Variants in DNAJC15 observed in about 807,000 individuals in gnomAD.
DNAJC15 encodes dnaJ homolog subfamily C member 15.
Under a neutral mutation model 22.4 loss-of-function variants are expected in DNAJC15, and 27 were observed. That is an observed-to-expected ratio of 1.20 (90% CI 0.89 to 1.66). The LOEUF (loss-of-function observed/expected upper bound fraction) is 1.66, where lower values mean the gene tolerates loss of function less well. DNAJC15 is among the 40% of genes most tolerant of loss of function. The probability of loss-of-function intolerance (pLI) is 0.00; values close to 1 mark genes in which losing one functional copy is unlikely to be tolerated. For missense variants in DNAJC15, 208 were observed against 187.1 expected (o/e 1.11, Z -0.65); for synonymous variants, 79 against 63.2 (o/e 1.25, Z -1.19).
chr13:43,111,520 A>G lies in DNAJC15; in HGVS notation c.*4272A>G, dbSNP rs2040824609. 6.6e-6 allele frequency: 1 copy of G among 152,228 alleles called. No individual in the cohort carries two copies. The highest frequency in any genetic ancestry group is 1.5e-5 in the Non-Finnish European group (1 of 68,034). The allele number at this position is 152,228 out of a possible 1,614,324, so 9.4% of individuals were successfully genotyped here. A position where few individuals can be genotyped will look rare whatever the true frequency, so the allele number is the denominator to read the frequency against. ...GAGCTTTTATTGATAAGGTAATTGA[A>G]CACACTTGACAATTAGCTTAATATG... On this transcript the variant is annotated 3_prime_UTR_variant, in exon 6 of 6. Coordinates refer to ENST00000379221, the MANE Select transcript of DNAJC15 (RefSeq NM_013238.3).
At chr13:43,031,752 A>T (rs1046451382) in intron 1 of DNAJC15, among the ~76,000 whole-genome samples, 1 of 152,254 alleles carries the variant, frequency 6.6e-6, no homozygotes, top group Non-Finnish European at 1.5e-5. Context: ...CACACATTTG[A>T]GAAGTAGATG....
intron 1 of DNAJC15, among the ~76,000 whole-genome samples, chr13:43,026,924 CTT>C (rs2040383261): frequency 6.6e-6 from 1 of 152,138 alleles, no homozygotes; most frequent in East Asian, 1.9e-4. Context: ...TGTTAAATAA[CTT>C]TTTCTTAGGT....
chr13:43,046,920 T>C (rs887159748), intron 1 of DNAJC15, among the ~76,000 whole-genome samples: 7 of 152,230 alleles, frequency 4.6e-5, no homozygotes, highest in African/African-American at 1.7e-4. Context: ...CCTTTGTTAC[T>C]GCACGGCTAA....
chr13:43,083,574 A>G (rs2040673777), intron 4 of DNAJC15, among the ~76,000 whole-genome samples: 1 of 152,250 alleles, frequency 6.6e-6, no homozygotes, highest in Non-Finnish European at 1.5e-5. Context: ...GCTAGAAAAC[A>G]TAAGTAATAA....
rs925400914 is a variant in DNAJC15, at chr13:43,107,380, A to C, written c.*132A>C. On this transcript the variant is annotated 3_prime_UTR_variant, in exon 6 of 6. Transcript: ENST00000379221. Reference sequence around the variant, plus strand: ...ACCACAGTCTTATCTTCCACCATTAAGCTGTATAACAATAAAATGTTAATA... The same window carrying C: ...ACCACAGTCTTATCTTCCACCATTACGCTGTATAACAATAAAATGTTAATA... 38 of 607,430 alleles carry C rather than the reference A, an allele frequency of 6.3e-5. No homozygotes were observed. In the African/African-American group the frequency reaches 7.2e-4, roughly 11 times the overall value. 37.6% of individuals were successfully genotyped at this position (607,430 alleles called of 1,614,324 possible).
chr13:43,103,898 T>A (rs1349447807), intron 5 of DNAJC15, among the ~76,000 whole-genome samples: 1 of 152,210 alleles, frequency 6.6e-6, no homozygotes, highest in East Asian at 1.9e-4. Context: ...GGCTGTTTTA[T>A]TTTTGCATTT....
At chr13:43,080,289 A>G (rs567645175) in intron 4 of DNAJC15, among the ~76,000 whole-genome samples, 13 of 152,142 alleles carry the variant, frequency 8.5e-5, no homozygotes, top group Admixed American at 5.2e-4. Context: ...TAGCTCCCAC[A>G]TGTAAGTGAG....
At chr13:43,060,018 C>G (rs1203501242) in intron 1 of DNAJC15, among the ~76,000 whole-genome samples, 4 of 152,234 alleles carry the variant, frequency 2.6e-5, no homozygotes, top group African/African-American at 9.6e-5. Flanking sequence ...TTTTGAGGAT[C>G]TTCAGTTGCT....
At chr13:43,037,866 C>T (rs1402538634) in intron 1 of DNAJC15, among the ~76,000 whole-genome samples, 1 of 152,176 alleles carries the variant, frequency 6.6e-6, no homozygotes, top group Non-Finnish European at 1.5e-5. Flanking sequence ...AGCCAAAACT[C>T]AAACCATATT....
intron 2 of DNAJC15, among the ~76,000 whole-genome samples, chr13:43,066,541 T>G (rs1371288177): frequency 1.3e-5 from 2 of 152,246 alleles, no homozygotes; most frequent in African/African-American, 2.4e-5. Flanking sequence ...AAAGTCAGTT[T>G]TATTACATAA....
At chr13:43,087,251 C>T (rs1299279502) in intron 5 of DNAJC15, among the ~76,000 whole-genome samples, 1 of 152,116 alleles carries the variant, frequency 6.6e-6, no homozygotes, top group Non-Finnish European at 1.5e-5. Flanking sequence ...ACTGCTCATT[C>T]ACCCAAAATT....
intron 1 of DNAJC15, among the ~76,000 whole-genome samples, chr13:43,054,956 C>T (rs1275921828): frequency 2.6e-5 from 4 of 151,976 alleles, no homozygotes; most frequent in Non-Finnish European, 4.4e-5. Context: ...AGAAGGAGGG[C>T]GGGGAGTCTC....
intron 5 of DNAJC15, among the ~76,000 whole-genome samples, chr13:43,102,358 AT>A (rs1199467878): frequency 6.6e-6 from 1 of 151,782 alleles, no homozygotes; most frequent in Non-Finnish European, 1.5e-5. Flanking sequence ...AGTTTGTGAG[AT>A]TTTCTCCTAC....
rs147247605 is a variant in DNAJC15 at position 43,055,602 on chromosome 13, G to A, written c.109-10084G>A. On this transcript the variant is annotated intron_variant, in intron 1 of 5. Transcript: ENST00000379221. ...TCTCCCGTTTCATTTCTAATTTAGC[G>A]TATTTGGATCTTCTCTCTTCTTTTC... is the stretch of plus-strand genomic sequence containing the variant. 1.9e-3 allele frequency among the ~76,000 whole-genome samples: 287 copies of A among 152,266 alleles called. 1 individual carries two copies. The highest frequency in any genetic ancestry group is 6.5e-3 in the African/African-American group (271 of 41,540).
At chr13:43,055,160 A>G (rs2040524211) in intron 1 of DNAJC15, among the ~76,000 whole-genome samples, 2 of 151,954 alleles carry the variant, frequency 1.3e-5, no homozygotes, top group South Asian at 2.1e-4. Context: ...ACAGACACAG[A>G]AACTCTCCCT....
At chr13:43,059,395 C>A (rs75494717) in intron 1 of DNAJC15, among the ~76,000 whole-genome samples, 2 of 151,948 alleles carry the variant, frequency 1.3e-5, no homozygotes, top group Non-Finnish European at 2.9e-5. Flanking sequence ...TTTTTGGAGA[C>A]GGAGTTTTGC....
At chr13:43,091,545 TA>T (rs2040715199) in intron 5 of DNAJC15, among the ~76,000 whole-genome samples, 1 of 152,246 alleles carries the variant, frequency 6.6e-6, no homozygotes, top group Non-Finnish European at 1.5e-5. Context: ...ATTACCTTGG[TA>T]ATGTTTGTAA....
intron 1 of DNAJC15, among the ~76,000 whole-genome samples, chr13:43,061,643 C>G (rs749549577): frequency 1.2e-4 from 19 of 152,258 alleles, no homozygotes; most frequent in South Asian, 2.1e-4. Flanking sequence ...GAAAGCAGTA[C>G]AAGAGAGGGA....
intron 1 of DNAJC15, among the ~76,000 whole-genome samples, chr13:43,038,564 G>A (rs572948805): frequency 1.6e-4 from 24 of 152,226 alleles, no homozygotes; most frequent in East Asian, 3.9e-4. Context: ...AGGCCAAGGC[G>A]GGCAGATCAC....
Sources: allele counts gnomAD v4.1 joint callset (sites outside exome capture counted in the v4.1 genomes callset), GRCh38; gene constraint gnomAD v4.1.1; transcripts MANE v1.5; gene names NCBI Gene and HGNC (gene_info 2026-07-23, HGNC 2026-07-21).